NALF1: variants seen among roughly 807,000 people sequenced by gnomAD.
NALF1 encodes the protein family with sequence similarity 155 member A.
A neutral mutation model predicts 48.4 loss-of-function variants in NALF1; 3 were observed. The observed-to-expected ratio is 0.06, with a 90% confidence interval of 0.03 to 0.16. The LOEUF (loss-of-function observed/expected upper bound fraction) is 0.16. NALF1 is among the 10% of genes least tolerant of loss of function. NALF1 has a pLI of 1.00. For missense variants in NALF1, 526 were observed against 571.5 expected (o/e 0.92, Z 0.81); for synonymous variants, 262 against 245.7 (o/e 1.07, Z -0.62).
Position 107,711,768 on chromosome 13 carries a change from C to T in NALF1, c.915+153914G>A, listed in dbSNP as rs75967289. Among the ~76,000 whole-genome samples, 1,491 of 152,282 alleles carry T rather than the reference C, an allele frequency of 9.8e-3. 25 individuals are homozygous for T. The highest frequency in any genetic ancestry group is 0.034 in the African/African-American group (1,418 of 41,546). On this transcript the variant is annotated intron_variant, in intron 1 of 2. Coordinates refer to ENST00000375915, the MANE Select transcript of NALF1 (RefSeq NM_001080396.3). Reference sequence around the variant, plus strand: ...TTCAGCAGAAATTTCAAACAGCATTCTCAAGACTACTTCTAAAAACTACTA... The same window carrying T: ...TTCAGCAGAAATTTCAAACAGCATTTTCAAGACTACTTCTAAAAACTACTA...
chr13:107,710,680 C>A (rs560419764), intron 1 of NALF1, among the ~76,000 whole-genome samples: 1 of 149,994 alleles, frequency 6.7e-6, no homozygotes, highest in South Asian at 2.1e-4. Context: ...CCTGCAGAAT[C>A]CAATCGCCTC....
chr13:107,788,762 G>A (rs534727657), intron 1 of NALF1: 36 of 151,824 alleles, frequency 2.4e-4, no homozygotes, highest in African/African-American at 7.0e-4. Flanking sequence ...ATCAATGAAC[G>A]CAGTTTGATT....
chr13:107,865,627 A>G, intron 1 of NALF1, 55 bp downstream of exon 1: 1 of 1,562,152 alleles, frequency 6.4e-7, no homozygotes, highest in Non-Finnish European at 8.6e-7. Context: ...AAGACACCCC[A>G]ACCAAGCAGA....
At chr13:107,695,110 A>T (rs922623624) in intron 1 of NALF1, among the ~76,000 whole-genome samples, 2 of 152,150 alleles carry the variant, frequency 1.3e-5, no homozygotes, top group African/African-American at 4.8e-5. Context: ...AGTTCTGATT[A>T]TAGGTTCTAC....
intron 2 of NALF1, among the ~76,000 whole-genome samples, chr13:107,210,069 G>GACACACAC (rs34075188): frequency 1.9e-4 from 29 of 150,800 alleles, no homozygotes; most frequent in African/African-American, 6.1e-4. Flanking sequence ...GGCTCTAATA[G>GACACACAC]ACACACACAC....
At chr13:107,743,701 T>G (rs982542001) in intron 1 of NALF1, among the ~76,000 whole-genome samples, 1 of 152,196 alleles carries the variant, frequency 6.6e-6, no homozygotes, top group Non-Finnish European at 1.5e-5. Context: ...GTAAACAGTA[T>G]AGCAGATTTG....
intron 1 of NALF1, among the ~76,000 whole-genome samples, chr13:107,474,764 G>A (rs574429970): frequency 1.0e-3 from 156 of 152,142 alleles, no homozygotes; most frequent in African/African-American, 3.3e-3. Context: ...TACCATGGAA[G>A]TTTTTTTTGT....
chr13:107,828,046 A>T (rs1236491019), intron 1 of NALF1, among the ~76,000 whole-genome samples: 1 of 152,174 alleles, frequency 6.6e-6, no homozygotes, highest in Non-Finnish European at 1.5e-5. Flanking sequence ...GCCAATGTAT[A>T]CTCACAGGTG....
intron 1 of NALF1, among the ~76,000 whole-genome samples, chr13:107,569,987 C>T (rs1465873984): frequency 1.3e-5 from 2 of 151,924 alleles, no homozygotes; most frequent in Non-Finnish European, 1.5e-5. Context: ...AAAAAAATCT[C>T]TGTTTCAATT....
intron 1 of NALF1, among the ~76,000 whole-genome samples, chr13:107,449,329 CAAG>C (rs1884703304): frequency 1.3e-5 from 2 of 151,612 alleles, no homozygotes; most frequent in South Asian, 2.1e-4. Context: ...GAAACTGGAA[CAAG>C]AAGAACAGGT....
rs531123410 is a variant in NALF1, at chr13:107,761,649, G to C, written c.915+104033C>G. ...AATTAGGCATTGTGCTAAGCAGCTT[G>C]CCATAGATGGAAACATTTAATGCCT... On this transcript the variant is annotated intron_variant, in intron 1 of 2. Coordinates refer to ENST00000375915, the MANE Select transcript of NALF1 (RefSeq NM_001080396.3). Among the ~76,000 whole-genome samples the C allele has an allele frequency of 2.4e-4, 37 of 152,290 alleles. 1 individual carries two copies. In the South Asian group the frequency reaches 7.5e-3, roughly 31 times the overall value.
chr13:107,256,524 G>C (rs1286408331), intron 1 of NALF1, among the ~76,000 whole-genome samples: 1 of 152,166 alleles, frequency 6.6e-6, no homozygotes, highest in Non-Finnish European at 1.5e-5. Context: ...CATGACAAAT[G>C]AGGAAATCTT....
chr13:107,335,122 C>T (rs1053809954), intron 1 of NALF1, among the ~76,000 whole-genome samples: 1 of 152,098 alleles, frequency 6.6e-6, no homozygotes, highest in Admixed American at 6.6e-5. Flanking sequence ...TCCTCATCTG[C>T]CCCACACCCA....
At chr13:107,501,632 AT>A (rs1844025208) in intron 1 of NALF1, among the ~76,000 whole-genome samples, 1 of 152,168 alleles carries the variant, frequency 6.6e-6, no homozygotes, top group African/African-American at 2.4e-5. Context: ...GGTGTCACTG[AT>A]GGGATCAGAA....
At chr13:107,435,803 G>C (rs1366246257) in intron 1 of NALF1, among the ~76,000 whole-genome samples, 1 of 151,770 alleles carries the variant, frequency 6.6e-6, no homozygotes, top group African/African-American at 2.4e-5. Flanking sequence ...CGGGGGAGGG[G>C]GGGAAGATAC....
intron 1 of NALF1, among the ~76,000 whole-genome samples, chr13:107,853,336 T>C (rs1037432338): frequency 2.0e-5 from 3 of 152,210 alleles, no homozygotes; most frequent in Non-Finnish European, 2.9e-5. Flanking sequence ...TGAGAAAGAT[T>C]ATTAGCCCCA....
intron 1 of NALF1, among the ~76,000 whole-genome samples, chr13:107,699,037 C>CTT (rs1240177739): frequency 6.6e-6 from 1 of 152,106 alleles, no homozygotes; most frequent in Admixed American, 6.5e-5. Flanking sequence ...CTCAAGCAGC[C>CTT]TGTCATTGTA....
intron 1 of NALF1, among the ~76,000 whole-genome samples, chr13:107,239,089 G>A (rs1323791091): frequency 2.0e-5 from 3 of 152,144 alleles, no homozygotes; most frequent in Non-Finnish European, 2.9e-5. Flanking sequence ...AATTAACACA[G>A]GACAAAGTGA....
At chr13:107,171,057 A>G (rs1878793950) in intron 2 of NALF1, among the ~76,000 whole-genome samples, 1 of 152,232 alleles carries the variant, frequency 6.6e-6, no homozygotes, top group Non-Finnish European at 1.5e-5. Context: ...AGATTTCATT[A>G]AGTCAAAATC....
Sources: gnomAD v4.1 joint callset for allele counts (sites outside exome capture counted in the v4.1 genomes callset) on GRCh38, gnomAD v4.1.1 for gene constraint, MANE v1.5 for transcripts, NCBI Gene and HGNC (gene_info 2026-07-23, HGNC 2026-07-21) for gene names.